ROBO1: variants seen among roughly 807,000 people sequenced by gnomAD.
ROBO1 encodes roundabout homolog 1.
A neutral mutation model predicts 195.9 loss-of-function variants in ROBO1; 149 were observed. The observed-to-expected ratio is 0.76, with a 90% CI of 0.67 to 0.87. The LOEUF is 0.87. ROBO1 is among the 40% of genes least tolerant of loss of function. The probability of loss-of-function intolerance (pLI) is 0.00; values close to 1 mark genes in which losing one functional copy is unlikely to be tolerated. For missense variants in ROBO1, 1,933 were observed against 2,068.3 expected (o/e 0.93, Z 1.27); for synonymous variants, 816 against 733.2 (o/e 1.11, Z -1.82).
chr3:79,622,361 C>T (rs1004631213), intron 1 of ROBO1, among the ~76,000 whole-genome samples: 4 of 152,216 alleles, frequency 2.6e-5, no homozygotes, highest in African/African-American at 9.6e-5. Context: ...TGCCTACTGT[C>T]TAAGCTTTTG....
At chr3:78,961,177 C>G (rs998229077) in intron 3 of ROBO1, among the ~76,000 whole-genome samples, 1 of 152,102 alleles carries the variant, frequency 6.6e-6, no homozygotes, top group Non-Finnish European at 1.5e-5. Context: ...ATATTTATCC[C>G]TCTTTGCAAA....
At chr3:79,448,890 A>T (rs1053030707) in intron 2 of ROBO1, among the ~76,000 whole-genome samples, 6 of 152,138 alleles carry the variant, frequency 3.9e-5, no homozygotes, top group Non-Finnish European at 7.3e-5. Flanking sequence ...TTGTTTTAAC[A>T]TATTTGTATC....
intron 4 of ROBO1, among the ~76,000 whole-genome samples, chr3:78,756,394 T>G (rs2108337116): frequency 6.6e-6 from 1 of 152,240 alleles, no homozygotes; most frequent in East Asian, 1.9e-4. Context: ...AATAACATAT[T>G]AAAGAATATT....
chr3:78,716,901 C>A (rs1361215217), intron 7 of ROBO1, among the ~76,000 whole-genome samples: 1 of 152,118 alleles, frequency 6.6e-6, no homozygotes, highest in African/African-American at 2.4e-5. Flanking sequence ...GAAAAGGAAG[C>A]CTGATTTTTA....
intron 2 of ROBO1, among the ~76,000 whole-genome samples, chr3:79,151,856 T>C (rs998087908): frequency 2.7e-4 from 41 of 151,964 alleles, no homozygotes; most frequent in Admixed American, 1.5e-3. Flanking sequence ...CTCCTGCTCA[T>C]CTTTCGGTCT....
At chr3:79,621,971 A>G (rs1237751357) in intron 1 of ROBO1, among the ~76,000 whole-genome samples, 1 of 152,136 alleles carries the variant, frequency 6.6e-6, no homozygotes, top group Admixed American at 6.5e-5. Flanking sequence ...AATAATAATG[A>G]TAATAAGCAT....
At chr3:79,278,181 A>G (rs1043345993) in intron 2 of ROBO1, among the ~76,000 whole-genome samples, 1 of 152,100 alleles carries the variant, frequency 6.6e-6, no homozygotes, top group African/African-American at 2.4e-5. Context: ...AAACAAATGA[A>G]AAGACATTCC....
intron 2 of ROBO1, among the ~76,000 whole-genome samples, chr3:79,185,130 C>T (rs2081415042): frequency 6.6e-6 from 1 of 152,146 alleles, no homozygotes; most frequent in South Asian, 2.1e-4. Context: ...TACAACAACA[C>T]TACTAACTGG....
chr3:78,698,445 C>T (rs1016968164), intron 8 of ROBO1, among the ~76,000 whole-genome samples: 1 of 152,076 alleles, frequency 6.6e-6, no homozygotes, highest in Admixed American at 6.5e-5. Flanking sequence ...TAAAGGAGGC[C>T]ATTTTTAGAA....
chr3:78,674,757 CT>C (rs1708293181), intron 10 of ROBO1, among the ~76,000 whole-genome samples: 1 of 152,100 alleles, frequency 6.6e-6, no homozygotes, highest in Non-Finnish European at 1.5e-5. Flanking sequence ...ACATGAAAAC[CT>C]TTGCTTTAAA....
intron 28 of ROBO1, among the ~76,000 whole-genome samples, chr3:78,609,087 G>T (rs758183353): frequency 1.6e-4 from 24 of 151,922 alleles, no homozygotes; most frequent in Non-Finnish European, 2.8e-4. Flanking sequence ...CTTTAGAAAT[G>T]GTAACGTTTT....
At chr3:79,391,379 T>C (rs1395016031) in intron 2 of ROBO1, among the ~76,000 whole-genome samples, 1 of 152,176 alleles carries the variant, frequency 6.6e-6, no homozygotes, top group Non-Finnish European at 1.5e-5. Context: ...TCTATACACA[T>C]TATTTTTACA....
chr3:79,693,049 T>C (rs1484201455), intron 1 of ROBO1, among the ~76,000 whole-genome samples: 1 of 151,804 alleles, frequency 6.6e-6, no homozygotes, highest in African/African-American at 2.4e-5. Context: ...TTTCAGATAT[T>C]GGGGCATTTA....
chr3:79,339,877 A>C (rs1307580360), intron 2 of ROBO1, among the ~76,000 whole-genome samples: 1 of 152,214 alleles, frequency 6.6e-6, no homozygotes, highest in African/African-American at 2.4e-5. Context: ...ATTACTATTG[A>C]GTGCCTTTAC....
chr3:78,703,604 G>A (rs764667565), intron 8 of ROBO1, among the ~76,000 whole-genome samples: 2 of 152,018 alleles, frequency 1.3e-5, no homozygotes, highest in South Asian at 4.2e-4. Context: ...AAGAGGAGGA[G>A]GAGGATGAGG....
At chr3:79,457,721 C>T (rs1460190911) in intron 2 of ROBO1, among the ~76,000 whole-genome samples, 1 of 152,134 alleles carries the variant, frequency 6.6e-6, no homozygotes, top group African/African-American at 2.4e-5. Flanking sequence ...TGCTCTTTCA[C>T]CTGCCACCAC....
At chr3:78,845,876 A>T (rs1698912776) in intron 4 of ROBO1, among the ~76,000 whole-genome samples, 1 of 152,184 alleles carries the variant, frequency 6.6e-6, no homozygotes, top group Non-Finnish European at 1.5e-5. Flanking sequence ...TCATTTTTAA[A>T]AACAATGTGT....
chr3:78,812,062 C>T (rs895168113), intron 4 of ROBO1, among the ~76,000 whole-genome samples: 3 of 152,074 alleles, frequency 2.0e-5, no homozygotes, highest in Admixed American at 2.0e-4. Flanking sequence ...TGGAAGTGAA[C>T]ATTCTTTTGC....
chr3:79,302,801 CA>C (rs1270891060), intron 2 of ROBO1, among the ~76,000 whole-genome samples: 9 of 151,376 alleles, frequency 5.9e-5, no homozygotes, highest in Non-Finnish European at 8.8e-5. Context: ...AAATTGACAT[CA>C]TATTAAAAAA....
Sources: allele counts gnomAD v4.1 joint callset (sites outside exome capture counted in the v4.1 genomes callset), GRCh38; gene constraint gnomAD v4.1.1; transcripts MANE v1.5; gene names NCBI Gene and HGNC (gene_info 2026-07-23, HGNC 2026-07-21).